The following TAFA4 variants were observed in gnomAD, a reference collection of about 807,000 sequenced individuals.
The protein encoded by TAFA4 is chemokine-like protein TAFA-4.
In TAFA4, 20 loss-of-function variants were observed where a neutral mutation model predicts 21.1. The ratio of observed to expected loss-of-function variants is 0.95; its 90% CI spans 0.67 to 1.38. TAFA4 has a LOEUF of 1.38. Ranked by LOEUF, TAFA4 falls within the 40% of genes most tolerant of loss-of-function variation. The probability of loss-of-function intolerance (pLI) is 0.00; values close to 1 mark genes in which losing one functional copy is unlikely to be tolerated. For synonymous variants in TAFA4, 71 were observed against 67.4 expected (o/e 1.05, Z -0.26); for missense variants, 211 against 180.9 (o/e 1.17, Z -0.95).
chr3:68,780,012 C>T (rs1703125661), intron 3 of TAFA4, among the ~76,000 whole-genome samples: 1 of 152,236 alleles, frequency 6.6e-6, no homozygotes, highest in African/African-American at 2.4e-5. Context: ...CCACCTCTTG[C>T]ATCAGCATGA....
At chr3:68,874,838 C>T (rs1016889466) in intron 3 of TAFA4, among the ~76,000 whole-genome samples, 5 of 152,036 alleles carry the variant, frequency 3.3e-5, no homozygotes, top group African/African-American at 1.2e-4. Context: ...ATTTGTCAGA[C>T]ATTTCACAAA....
intron 4 of TAFA4, among the ~76,000 whole-genome samples, chr3:68,741,829 T>G (rs1432353045): frequency 1.3e-5 from 2 of 151,446 alleles, no homozygotes; most frequent in Admixed American, 6.6e-5. Flanking sequence ...CTCTCCACTT[T>G]CTCTTCCAAA....
At chr3:68,899,884 C>T (rs1440123076) in intron 1 of TAFA4, among the ~76,000 whole-genome samples, 1 of 152,028 alleles carries the variant, frequency 6.6e-6, no homozygotes, top group Non-Finnish European at 1.5e-5. Flanking sequence ...TGCAGTGTAA[C>T]ATAAAAATTA....
intron 3 of TAFA4, among the ~76,000 whole-genome samples, chr3:68,805,853 C>T (rs914492951): frequency 6.6e-6 from 1 of 151,890 alleles, no homozygotes; most frequent in Non-Finnish European, 1.5e-5. Flanking sequence ...ATACCTAATG[C>T]TAAATGACGA....
intron 1 of TAFA4, among the ~76,000 whole-genome samples, chr3:68,927,623 G>A (rs1449522747): frequency 2.6e-5 from 4 of 152,168 alleles, no homozygotes; most frequent in African/African-American, 9.7e-5. Flanking sequence ...GTATAGCCAG[G>A]CACAGTAGCT....
At chr3:68,755,006 G>A (rs1702633009) in intron 3 of TAFA4, among the ~76,000 whole-genome samples, 1 of 152,140 alleles carries the variant, frequency 6.6e-6, no homozygotes, top group South Asian at 2.1e-4. Context: ...ATCCGACTTA[G>A]AAACCCGAAT....
At chr3:68,766,280 A>ATTAAGT (rs1293002061) in intron 3 of TAFA4, among the ~76,000 whole-genome samples, 3 of 152,172 alleles carry the variant, frequency 2.0e-5, no homozygotes, top group African/African-American at 7.2e-5. Flanking sequence ...ACATAAACAC[A>ATTAAGT]CATATATAAT....
At chr3:68,827,236 T>C (rs1049165828) in intron 3 of TAFA4, among the ~76,000 whole-genome samples, 2 of 152,184 alleles carry the variant, frequency 1.3e-5, no homozygotes, top group African/African-American at 4.8e-5. Flanking sequence ...TATGGCTGCA[T>C]AGTATTTCAT....
chr3:68,923,302 T>C (rs1282921571), intron 1 of TAFA4, among the ~76,000 whole-genome samples: 4 of 152,180 alleles, frequency 2.6e-5, no homozygotes, highest in African/African-American at 4.8e-5. Flanking sequence ...AACTGATCAA[T>C]TGTTAATTCT....
At chr3:68,810,551 A>G (rs1703812299) in intron 3 of TAFA4, among the ~76,000 whole-genome samples, 1 of 152,172 alleles carries the variant, frequency 6.6e-6, no homozygotes, top group African/African-American at 2.4e-5. Flanking sequence ...TGAGGGTCCT[A>G]TGCCCACAGA....
At chr3:68,815,368 G>T (rs180958576) in intron 3 of TAFA4, among the ~76,000 whole-genome samples, 1 of 152,252 alleles carries the variant, frequency 6.6e-6, no homozygotes, top group Non-Finnish European at 1.5e-5. Flanking sequence ...CCATCAGAGT[G>T]AACAGGCAGC....
intron 1 of TAFA4, among the ~76,000 whole-genome samples, chr3:68,886,788 C>T (rs2089677386): frequency 6.6e-6 from 1 of 152,194 alleles, no homozygotes; most frequent in African/African-American, 2.4e-5. Flanking sequence ...AGTCTGTTTT[C>T]TGCTGCTGTA....
At chr3:68,814,246 A>T (rs565605744) in intron 3 of TAFA4, among the ~76,000 whole-genome samples, 1 of 152,322 alleles carries the variant, frequency 6.6e-6, no homozygotes, top group South Asian at 2.1e-4. Context: ...ATTCCCTTTG[A>T]AAACTGGTAC....
chr3:68,740,999 T>C (rs1025453711), intron 4 of TAFA4, among the ~76,000 whole-genome samples: 1 of 152,198 alleles, frequency 6.6e-6, no homozygotes, highest in African/African-American at 2.4e-5. Context: ...GTTCCATGGG[T>C]CTACATGTCT....
At chr3:68,880,872 G>A in intron 2 of TAFA4, 27 bp from the exon 3 acceptor site, 2 of 1,596,462 alleles carry the variant, frequency 1.3e-6, no homozygotes. Context: ...GCTGGAGTCA[G>A]TGAGGGCTGA....
At chr3:68,823,773 G>T (rs1179369194) in intron 3 of TAFA4, among the ~76,000 whole-genome samples, 2 of 152,144 alleles carry the variant, frequency 1.3e-5, no homozygotes, top group Non-Finnish European at 2.9e-5. Flanking sequence ...CCCTACAAAG[G>T]ACATTATCTT....
chr3:68,820,417 G>T (rs1052617396), intron 3 of TAFA4, among the ~76,000 whole-genome samples: 2 of 152,104 alleles, frequency 1.3e-5, no homozygotes, highest in Non-Finnish European at 2.9e-5. Context: ...GGTAGCTGAC[G>T]CCTGCAATCT....
intron 1 of TAFA4, among the ~76,000 whole-genome samples, chr3:68,891,897 T>C (rs1255238349): frequency 6.6e-6 from 1 of 152,218 alleles, no homozygotes; most frequent in African/African-American, 2.4e-5. Flanking sequence ...CACATTGAAT[T>C]GTCTTTAGAA....
chr3:68,796,249 A>G (rs1193395116), intron 3 of TAFA4, among the ~76,000 whole-genome samples: 1 of 152,192 alleles, frequency 6.6e-6, no homozygotes, highest in Non-Finnish European at 1.5e-5. Context: ...TAAATGAAAA[A>G]TTAGTGACAA....
Sources: gnomAD v4.1 joint callset for allele counts (sites outside exome capture counted in the v4.1 genomes callset) on GRCh38, gnomAD v4.1.1 for gene constraint, MANE v1.5 for transcripts, NCBI Gene and HGNC (gene_info 2026-07-23, HGNC 2026-07-21) for gene names.